The following TM2D2 variants were observed in gnomAD, a reference collection of about 807,000 sequenced individuals.
The protein encoded by TM2D2 is TM2 domain-containing protein 2.
A neutral mutation model predicts 23.0 loss-of-function variants in TM2D2; 19 were observed. The ratio of observed to expected loss-of-function variants is 0.82; its 90% confidence interval spans 0.58 to 1.21. The LOEUF is 1.21. Among genes scored for constraint, TM2D2 ranks in the 50% most tolerant of loss-of-function variants. TM2D2 has a pLI of 0.00. For missense variants in TM2D2, 246 were observed against 265.4 expected (o/e 0.93, Z 0.51); for synonymous variants, 120 against 108.8 (o/e 1.10, Z -0.64).
upstream of TM2D2, chr8:38,996,578 C>T: frequency 4.1e-6 from 6 of 1,465,770 alleles, no homozygotes; most frequent in Non-Finnish European, 5.4e-6. Flanking sequence ...ACGCGCAGCT[C>T]GACGCTCCGC....
At chr8:38,995,079 A>G (rs765524625) in intron 2 of TM2D2, 2 of 415,750 alleles carry the variant, frequency 4.8e-6, no homozygotes, top group Non-Finnish European at 8.5e-6. Context: ...TGGCCAAAGG[A>G]ACCAAAGACA....
chr8:38,996,940 C>G (rs1835826777), upstream of TM2D2: 1 of 1,458,734 alleles, frequency 6.9e-7, no homozygotes, highest in African/African-American at 1.4e-5. Flanking sequence ...TCGTCGGGCG[C>G]GCGTGCTCGT....
At chr8:38,993,406 T>C in intron 3 of TM2D2, 139 bp downstream of exon 3, 1 of 535,356 alleles carries the variant, frequency 1.9e-6, no homozygotes, top group East Asian at 3.7e-5. Flanking sequence ...CGATAAGCCA[T>C]GATTGCACCA....
At chr8:38,995,549 C>A (rs1835743848) in intron 1 of TM2D2, 144 bp from the exon 2 acceptor site, 1 of 1,513,524 alleles carries the variant, frequency 6.6e-7, no homozygotes, top group East Asian at 2.5e-5. Flanking sequence ...CCTTTCCAAG[C>A]CAATTAAACT....
upstream of TM2D2, chr8:38,996,986 C>G: frequency 2.6e-6 from 4 of 1,544,304 alleles, no homozygotes; most frequent in South Asian, 1.2e-5. Context: ...CTTGGGGCCC[C>G]GGCAGGGTTG....
Position 38,991,136 on chromosome 8 carries a change from C to G in TM2D2, c.*196G>C. The stretch of plus-strand genomic sequence containing the variant: ...ATTTGATTCCCCACAACACTTTTTG[C>G]TTGTCATTCCGTCTGCAAGGTAAAA... On this transcript the variant is annotated 3_prime_UTR_variant, in exon 4 of 4. Coordinates refer to ENST00000456397, the MANE Select transcript of TM2D2 (RefSeq NM_078473.3). 3.3e-6 allele frequency: 2 copies of G among 601,194 alleles called. No individual in the cohort carries two copies. Among genetic ancestry groups the G allele is most frequent in the East Asian group, 5.6e-5 (2 of 36,000 alleles). 37.2% of individuals were successfully genotyped at this position (601,194 alleles called of 1,614,324 possible). A position where few individuals can be genotyped will look rare whatever the true frequency, so the allele number is the denominator to read the frequency against.
Position 38,992,571 on chromosome 8 carries a change from G to T in TM2D2, c.431+974C>A, listed in dbSNP as rs118177400. ...CTCTAAGAATCTCTAGTTGGTAGAG[G>T]GTCTCAACAGAATACTTGCTAAGAT... On this transcript the variant is annotated intron_variant, in intron 3 of 3. Coordinates refer to ENST00000456397, the MANE Select transcript of TM2D2 (RefSeq NM_078473.3). Among the ~76,000 whole-genome samples, 560 of 152,154 alleles carry T rather than the reference G, an allele frequency of 3.7e-3. 2 individuals are homozygous for T. The highest frequency in any genetic ancestry group is 5.3e-3 in the Non-Finnish European group (363 of 67,990).
rs2129428327 is a variant in TM2D2, at chr8:38,989,936, G to C, written c.*1396C>G. ...GTATGTAGATTTTTCTGGGGAGAGG[G>C]TCTAGTTTCTTCATGACCCATAAAA... is the stretch of plus-strand genomic sequence containing the variant. On this transcript the variant is annotated 3_prime_UTR_variant, in exon 4 of 4. Transcript: ENST00000456397. The C allele has an allele frequency of 6.6e-6, 1 of 152,142 alleles. No individual in the cohort carries two copies. Among genetic ancestry groups the C allele is most frequent in the African/African-American group, 2.4e-5 (1 of 41,510 alleles). The allele number at this position is 152,142 out of a possible 1,614,324, so 9.4% of individuals were successfully genotyped here.
chr8:38,995,922 A>G (rs1835764163), intron 1 of TM2D2: 1 of 758,296 alleles, frequency 1.3e-6, no homozygotes, highest in Admixed American at 3.6e-5. Context: ...CCTTGGGCTA[A>G]AGGGCGCAGG....
intron 2 of TM2D2, 69 bp downstream of exon 2, chr8:38,995,249 T>A: frequency 1.7e-6 from 2 of 1,146,736 alleles, no homozygotes; most frequent in South Asian, 1.5e-5. Context: ...TATACTTTTA[T>A]GTAATAGCAT....
intron 3 of TM2D2, 32 bp downstream of exon 3, chr8:38,993,513 G>A: frequency 2.0e-6 from 3 of 1,524,464 alleles, no homozygotes; most frequent in South Asian, 2.3e-5. Flanking sequence ...CTCCAACCAA[G>A]TACCAACTAC....
At chr8:38,995,770 A>G (rs1308071804) in intron 1 of TM2D2, 2 of 1,258,566 alleles carry the variant, frequency 1.6e-6, no homozygotes, top group Non-Finnish European at 1.0e-6. Flanking sequence ...TTGATCAAAA[A>G]GAGATGTTAA....
In TM2D2 at chr8:38,991,430, G is replaced by C. The variant is rs926642037; in HGVS notation, c.547C>G (p.Leu183Val). Residue 183 changes from leucine to valine, a missense_variant, in exon 4 of 4, where the codon CTT becomes GTT. Physicochemically the swap from Leu to Val is conservative, Grantham distance 32 (BLOSUM62 1). Coordinates refer to ENST00000456397, the MANE Select transcript of TM2D2 (RefSeq NM_078473.3). ...TGTAVGKLLT[L>V]GGLGIWWFVD... ...AACCACCAAATCCCAAGTCCTCCAA[G>C]CGTCAACAGCTTCCCTACTGCAGTG... 8.1e-6 allele frequency: 13 copies of C among 1,614,060 alleles called. No individual in the cohort carries two copies. The highest frequency in any genetic ancestry group is 4.0e-5 in the African/African-American group (3 of 74,906).
At chr8:38,996,689 C>T, upstream of TM2D2, 1 of 1,424,534 alleles carries the variant, frequency 7.0e-7, no homozygotes, top group Non-Finnish European at 9.1e-7. Flanking sequence ...CATGCTCCTC[C>T]TTCTTTTGCG....
intron 3 of TM2D2, among the ~76,000 whole-genome samples, chr8:38,993,056 C>A (rs1202188884): frequency 6.6e-6 from 1 of 152,142 alleles, no homozygotes. Flanking sequence ...GGGCAATTTG[C>A]ACAAGATTTA....
upstream of TM2D2, chr8:38,996,966 C>G (rs908151557): frequency 2.0e-6 from 3 of 1,508,032 alleles, no homozygotes; most frequent in Non-Finnish European, 2.7e-6. Flanking sequence ...GCGCGCGCTT[C>G]CCGGCCAGAC....
At chr8:38,996,130 C>A (rs577797005) in intron 1 of TM2D2, 83 bp downstream of exon 1, 4 of 1,453,870 alleles carry the variant, frequency 2.8e-6, no homozygotes, top group South Asian at 1.3e-5. Context: ...AATGCAGCGT[C>A]CCCCCAACCC....
intron 2 of TM2D2, 93 bp from the exon 3 acceptor site, chr8:38,993,753 C>T (rs911297169): frequency 2.2e-5 from 19 of 870,242 alleles, no homozygotes; most frequent in Admixed American, 1.6e-4. Context: ...ATGAAAGCGG[C>T]CTCAGGACTA....
At position 38,996,433 on chromosome 8, in the gene TM2D2, G is replaced by A. The variant is rs780894599; in HGVS notation, c.7C>T (p.Leu3=). MV[L]GGCPVSYLLL... is the part of the protein sequence containing the mutation. ...AAGTAACTAACCGGGCAACCACCTA[G>A]CACCATCTTCCCGGGCACAGGAGCG... The change falls in exon 1 of 4, where the codon CTA becomes TTA. Residue 3 remains leucine, a synonymous_variant. Transcript: ENST00000456397. 3.7e-6 allele frequency: 6 copies of A among 1,614,012 alleles called. No individual in the cohort carries two copies. The African/African-American group carries it at 8.0e-5, about 22-fold the overall frequency.
Sources: allele counts gnomAD v4.1 joint callset (sites outside exome capture counted in the v4.1 genomes callset), GRCh38; gene constraint gnomAD v4.1.1; transcripts MANE v1.5; gene names NCBI Gene and HGNC (gene_info 2026-07-23, HGNC 2026-07-21).